Variants in AMMECR1 observed in about 807,000 individuals in gnomAD.
AMMECR1 encodes the protein AMMECR nuclear protein 1, also known as nuclear protein AMMECR1.
In AMMECR1, 3 loss-of-function variants were observed where a neutral mutation model predicts 22.5. The ratio of observed to expected loss-of-function variants is 0.13; its 90% CI spans 0.06 to 0.35. The LOEUF is 0.35. Ranked by LOEUF, AMMECR1 falls within the 10% of genes least tolerant of loss-of-function variation. AMMECR1 has a pLI of 1.00. For synonymous variants in AMMECR1, 130 were observed against 116.7 expected (o/e 1.11, Z -0.74); for missense variants, 235 against 278.7 (o/e 0.84, Z 1.12).
At chrX:110,376,463 T>C (rs2068377324) in intron 2 of AMMECR1, among the ~76,000 whole-genome samples, 1 of 111,305 alleles carries the variant, frequency 9.0e-6, no homozygotes, top group Admixed American at 9.5e-5. Flanking sequence ...TTAGCCCAAG[T>C]GAGTTAAGGG....
intron 1 of AMMECR1, among the ~76,000 whole-genome samples, chrX:110,309,694 T>C (rs1169921819): frequency 8.9e-6 from 1 of 112,375 alleles, no homozygotes; most frequent in African/African-American, 3.2e-5. Context: ...ATATGGCTGA[T>C]CCCATCAGTT....
intron 2 of AMMECR1, among the ~76,000 whole-genome samples, chrX:110,425,663 A>T (rs1230619210): frequency 4.5e-5 from 5 of 112,265 alleles, no homozygotes; most frequent in Non-Finnish European, 9.4e-5. Context: ...AATTCATTTA[A>T]TCCTCACACA....
At chrX:110,199,658 C>T (rs1328411145) in intron 5 of AMMECR1, among the ~76,000 whole-genome samples, 1 of 110,719 alleles carries the variant, frequency 9.0e-6, no homozygotes, top group Non-Finnish European at 1.9e-5. Flanking sequence ...AAATGATGAC[C>T]CAGTCCTTTC....
chrX:110,353,117 T>C (rs987626749), intron 2 of AMMECR1, among the ~76,000 whole-genome samples: 4 of 112,228 alleles, frequency 3.6e-5, no homozygotes, highest in Admixed American at 2.8e-4. Context: ...TTGTTCATAG[T>C]AGTATCTTAT....
At chrX:110,368,719 A>C (rs1205739631) in intron 2 of AMMECR1, among the ~76,000 whole-genome samples, 1 of 112,200 alleles carries the variant, frequency 8.9e-6, no homozygotes, top group Non-Finnish European at 1.9e-5. Context: ...CTAGAATATA[A>C]GCTTCAGGAA....
chrX:110,223,359 A>G (rs889790749), intron 2 of AMMECR1, among the ~76,000 whole-genome samples: 15 of 111,982 alleles, frequency 1.3e-4, no homozygotes, highest in African/African-American at 4.5e-4. Flanking sequence ...ATATAATTTA[A>G]TTTTCTCTTT....
chrX:110,375,913 C>T (rs1288227011), intron 2 of AMMECR1, among the ~76,000 whole-genome samples: 2 of 111,189 alleles, frequency 1.8e-5, no homozygotes, highest in Non-Finnish European at 3.8e-5. Context: ...TATGGTAGGG[C>T]TAATATTGAT....
chrX:110,342,965 T>A (rs1025928752), intron 2 of AMMECR1, among the ~76,000 whole-genome samples: 4 of 111,242 alleles, frequency 3.6e-5, no homozygotes, highest in Admixed American at 9.5e-5. Context: ...CAATAGAAAA[T>A]GAGGGAATCC....
chrX:110,384,027 T>C (rs184960338), intron 2 of AMMECR1, among the ~76,000 whole-genome samples: 2 of 112,284 alleles, frequency 1.8e-5, no homozygotes, highest in Admixed American at 1.9e-4. Context: ...ATTGCAAATG[T>C]TAGTAAATAT....
At chrX:110,389,404 C>T (rs1436772175) in intron 2 of AMMECR1, among the ~76,000 whole-genome samples, 1 of 111,859 alleles carries the variant, frequency 8.9e-6, no homozygotes, top group Non-Finnish European at 1.9e-5. Flanking sequence ...CACTGGGAGT[C>T]AAAACATCTG....
At chrX:110,436,258 G>A (rs2068837892) in intron 1 of AMMECR1, among the ~76,000 whole-genome samples, 1 of 111,280 alleles carries the variant, frequency 9.0e-6, no homozygotes, top group Admixed American at 9.5e-5. Flanking sequence ...CAGGATGTAG[G>A]CTGGGATTCA....
chrX:110,251,827 T>G (rs1289324651), intron 2 of AMMECR1, among the ~76,000 whole-genome samples: 1 of 112,130 alleles, frequency 8.9e-6, no homozygotes, highest in African/African-American at 3.2e-5. Flanking sequence ...TGACTGATTA[T>G]GGGGTCACTG....
intron 2 of AMMECR1, among the ~76,000 whole-genome samples, chrX:110,398,790 C>T (rs754880497): frequency 6.2e-5 from 7 of 112,328 alleles, no homozygotes; most frequent in African/African-American, 2.3e-4. Flanking sequence ...TTCCATAGAT[C>T]CATAGTATGT....
intron 2 of AMMECR1, among the ~76,000 whole-genome samples, chrX:110,339,330 T>C (rs764855639): frequency 1.7e-4 from 17 of 102,430 alleles, no homozygotes; most frequent in African/African-American, 5.3e-4. Context: ...CAAAGTTACC[T>C]GGTTTGGAGA....
intron 2 of AMMECR1, among the ~76,000 whole-genome samples, chrX:110,355,458 G>T (rs148779440): frequency 0.017 from 1,916 of 111,880 alleles, 34 homozygotes; most frequent in African/African-American, 0.058. Flanking sequence ...TTTCTTAAGA[G>T]TTGTGAATTG....
intron 1 of AMMECR1, among the ~76,000 whole-genome samples, chrX:110,428,344 C>G (rs372696549): frequency 1.8e-5 from 2 of 112,049 alleles, no homozygotes; most frequent in African/African-American, 6.5e-5. Flanking sequence ...ATCTGCCTCC[C>G]TCACTGAACT....
intron 2 of AMMECR1, among the ~76,000 whole-genome samples, chrX:110,425,547 T>A (rs745997843): frequency 8.8e-6 from 1 of 113,232 alleles, no homozygotes; most frequent in African/African-American, 3.2e-5. Context: ...CTTCTTCTAA[T>A]GACCTAGTTA....
intron 1 of AMMECR1, among the ~76,000 whole-genome samples, chrX:110,285,248 C>A (rs2067873168): frequency 8.9e-6 from 1 of 111,918 alleles, no homozygotes; most frequent in Non-Finnish European, 1.9e-5. Flanking sequence ...CCTGGACCAG[C>A]AACGTTGGCA....
At chrX:110,232,801 A>G (rs1401163559) in intron 2 of AMMECR1, among the ~76,000 whole-genome samples, 2 of 104,088 alleles carry the variant, frequency 1.9e-5, no homozygotes, top group East Asian at 6.3e-4. Context: ...GAGGCAGGAG[A>G]ATGGCGTGAA....
Sources: gnomAD v4.1 joint callset for allele counts (sites outside exome capture counted in the v4.1 genomes callset) on GRCh38, gnomAD v4.1.1 for gene constraint, MANE v1.5 for transcripts, NCBI Gene and HGNC (gene_info 2026-07-23, HGNC 2026-07-21) for gene names.